SMIM29: variants seen among roughly 807,000 people sequenced by gnomAD.
SMIM29 encodes the protein small integral membrane protein 29.
SMIM29 carries 4 observed loss-of-function variants against 12.9 expected under a neutral mutation model. The ratio of observed to expected loss-of-function variants is 0.31; its 90% CI spans 0.15 to 0.71. The LOEUF (loss-of-function observed/expected upper bound fraction) is 0.71, where lower values mean the gene tolerates loss of function less well. SMIM29 is among the 30% of genes least tolerant of loss of function. The probability of loss-of-function intolerance (pLI) is 0.70; values close to 1 mark genes in which losing one functional copy is unlikely to be tolerated. For missense variants in SMIM29, 122 were observed against 138.1 expected (o/e 0.88, Z 0.58); for synonymous variants, 50 against 52.0 (o/e 0.96, Z 0.17).
At position 34,246,512 on chromosome 6, in the gene SMIM29, G is replaced by A. The variant is rs1276025552; in HGVS notation, c.*291C>T. 6.5e-7 allele frequency: 1 copy of A among 1,544,012 alleles called. No individual in the cohort carries two copies. The highest frequency in any genetic ancestry group is 1.3e-5 in the South Asian group (1 of 79,584). On this transcript the variant is annotated 3_prime_UTR_variant, in exon 5 of 5. Transcript: ENST00000476320. Reference sequence around the variant, plus strand: ...TTTGTGCCCAAGCCCAGCCCAGGAGGGCTAGAGAAAGCAAAGGTGTCTACC... The same window carrying A: ...TTTGTGCCCAAGCCCAGCCCAGGAGAGCTAGAGAAAGCAAAGGTGTCTACC...
chr6:34,247,767 C>T lies in SMIM29; in HGVS notation c.25G>A (p.Ala9Thr). The T allele has an allele frequency of 1.5e-6, 2 of 1,352,080 alleles. No homozygotes were observed. The highest frequency in any genetic ancestry group is 1.9e-6 in the Non-Finnish European group (2 of 1,057,924). The allele number at this position is 1,352,080 out of a possible 1,614,324, so 83.8% of individuals were successfully genotyped here. ...ATGGAGTCGCTGTTGGCCTGGGGGG[C>T]ATTGGGCACAGTGGTGTTACTCATG... MSNTTVPN[A>T]PQANSDSMVG... Residue 9 changes from alanine (A) to threonine (T), a missense_variant, in exon 2 of 5, where the codon GCC becomes ACC. Coordinates refer to ENST00000476320, the MANE Select transcript of SMIM29 (RefSeq NM_001008703.4).
Position 34,247,162 on chromosome 6 carries a change from G to A in SMIM29, c.138-13C>T, listed in dbSNP as rs1762826986. On this transcript the variant is annotated splice_polypyrimidine_tract_variant and intron_variant, in intron 3 of 4. Transcript: ENST00000476320. ...CAGCCGGTCCACCCTGGGGAGCAGG[G>A]GAGGGGACTCAGCTAGGAGGTCCCC... is the stretch of plus-strand genomic sequence containing the variant. 4.3e-6 allele frequency: 7 copies of A among 1,613,970 alleles called. No individual in the cohort carries two copies. The highest frequency in any genetic ancestry group is 5.9e-6 in the Non-Finnish European group (7 of 1,179,978).
chr6:34,246,906 GTT>G lies in SMIM29; in HGVS notation c.244-40_244-39del. The G allele has an allele frequency of 1.9e-6, 3 of 1,597,806 alleles. No individual in the cohort carries two copies. The South Asian group carries it at 3.3e-5, about 18-fold the overall frequency. On this transcript the variant is annotated intron_variant, in intron 4 of 4. Coordinates refer to ENST00000476320, the MANE Select transcript of SMIM29 (RefSeq NM_001008703.4). Reference sequence around the variant, plus strand: ...AGACCACACCACAAGGCTGGGCTGTGTTCCCTGGGAGTCTGCAGCACCCAGTT... The same window carrying G: ...AGACCACACCACAAGGCTGGGCTGTGCCCTGGGAGTCTGCAGCACCCAGTT...
chr6:34,248,809 C>A lies in SMIM29; in HGVS notation c.-74+170G>T. 3 of 985,754 alleles carry A rather than the reference C, an allele frequency of 3.0e-6. No homozygotes were observed. In the South Asian group the frequency reaches 1.4e-4, roughly 46 times the overall value. The allele number at this position is 985,754 out of a possible 1,614,324, so 61.1% of individuals were successfully genotyped here. A position where few individuals can be genotyped will look rare whatever the true frequency, so the allele number is the denominator to read the frequency against. On this transcript the variant is annotated intron_variant, in intron 1 of 4. Transcript: ENST00000476320. The stretch of plus-strand genomic sequence containing the variant: ...AGGCCGCTGCTAGGATGCGGGCCAG[C>A]AACAGCGGACAGGAGGTGGTTCCCA...
At chr6:34,248,804 G>A (rs759194834) in intron 1 of SMIM29, 175 bp downstream of exon 1, 2 of 985,796 alleles carry the variant, frequency 2.0e-6, no homozygotes, top group Non-Finnish European at 2.4e-6. Context: ...TAGGATGCGG[G>A]CCAGCAACAG....
intron 3 of SMIM29, 151 bp downstream of exon 3, chr6:34,247,316 C>G: frequency 6.5e-7 from 1 of 1,537,320 alleles, no homozygotes; most frequent in Non-Finnish European, 8.8e-7. Context: ...GGGGCTTTCC[C>G]CAGTGAGTAA....
At position 34,247,479 on chromosome 6, in the gene SMIM29, T is replaced by A; in HGVS notation, c.125A>T (p.Gln42Leu). ...GVVVAVVMYV[Q>L]KKKRVDRLRH... ...CAGGGACACTCACCGCTTTTTCTTC[T>A]GTACATACATTACCTGCAACAGAGA... The change falls in exon 3 of 5, where the codon CAG becomes CTG. Residue 42 changes from glutamine to leucine, a missense_variant. Transcript: ENST00000476320. The A allele has an allele frequency of 6.3e-7, 1 of 1,579,074 alleles. No homozygotes were observed. The highest frequency in any genetic ancestry group is 1.3e-5 in the African/African-American group (1 of 74,748).
intron 3 of SMIM29, 139 bp from the exon 4 acceptor site, chr6:34,247,288 C>T (rs1281579572): frequency 6.4e-6 from 10 of 1,552,084 alleles, no homozygotes; most frequent in Non-Finnish European, 8.7e-7. Context: ...TCCAAGAATA[C>T]AACCCTGATT....
chr6:34,247,647 T>C, intron 2 of SMIM29, 34 bp downstream of exon 2: 1 of 1,436,298 alleles, frequency 7.0e-7, no homozygotes. Context: ...TTAGCAAAGC[T>C]GTGGGTGTCT....
At chr6:34,246,993 A>G (rs1380523317) in intron 4 of SMIM29, 51 bp downstream of exon 4, 4 of 1,613,014 alleles carry the variant, frequency 2.5e-6, no homozygotes, top group Non-Finnish European at 3.4e-6. Context: ...GGCTGGGAAC[A>G]GGGCTGACTC....
chr6:34,246,976 C>CCA (rs1312722885), intron 4 of SMIM29, 68 bp downstream of exon 4: 4 of 1,610,904 alleles, frequency 2.5e-6, no homozygotes, highest in Non-Finnish European at 1.7e-6. Context: ...TCAGTGTGGA[C>CCA]GAGTATGGCT....
chr6:34,246,420 AAT>A lies in SMIM29; in HGVS notation c.*381_*382del. ...TAGCCACAAAACATTTTATTTACAA[AAT>A]ATATACTGAATACTATACATCTGGC... On this transcript the variant is annotated 3_prime_UTR_variant, in exon 5 of 5. Coordinates refer to ENST00000476320, the MANE Select transcript of SMIM29 (RefSeq NM_001008703.4). The A allele has an allele frequency of 7.5e-7, 1 of 1,335,842 alleles. No homozygotes were observed. Among genetic ancestry groups the A allele is most frequent in the East Asian group, 2.6e-5 (1 of 39,024 alleles). 82.7% of individuals were successfully genotyped at this position (1,335,842 alleles called of 1,614,324 possible).
intron 3 of SMIM29, 87 bp from the exon 4 acceptor site, chr6:34,247,236 CAG>C (rs1762833138): frequency 2.5e-6 from 4 of 1,603,880 alleles, no homozygotes; most frequent in South Asian, 1.1e-5. Flanking sequence ...CTTTCCCAGG[CAG>C]GGGCAATTCC....
At chr6:34,247,312 T>G in intron 3 of SMIM29, 155 bp downstream of exon 3, 1 of 1,540,302 alleles carries the variant, frequency 6.5e-7, no homozygotes, top group South Asian at 1.2e-5. Context: ...CAAAGGGGCT[T>G]TCCCCAGTGA....
In SMIM29 at chr6:34,246,831, C is replaced by G; in HGVS notation, c.281G>C (p.Arg94Pro). 2 of 1,611,848 alleles carry G rather than the reference C, an allele frequency of 1.2e-6. No individual in the cohort carries two copies. Among genetic ancestry groups the G allele is most frequent in the Non-Finnish European group, 1.7e-6 (2 of 1,179,306 alleles). ...CGTCTTGACATCCAGCAGTGGCATCCGCTTGTGCTGGTAGCCACTCTGCCA... is the reference window on the plus strand; with the variant it reads ...CGTCTTGACATCCAGCAGTGGCATCGGCTTGTGCTGGTAGCCACTCTGCCA... ...HGWQSGYQHK[R>P]MPLLDVKT is the part of the protein sequence containing the mutation. Residue 94 changes from arginine (R) to proline (P), a missense_variant, in exon 5 of 5, where the codon CGG becomes CCG. Coordinates refer to ENST00000476320, the MANE Select transcript of SMIM29 (RefSeq NM_001008703.4).
chr6:34,247,836 G>A lies in SMIM29; in HGVS notation c.-45C>T, dbSNP rs932483718. ...CTGGGTGGTCAGCATGGGCAGTGGC[G>A]CTTCGGGAGGGCGCCTCCACTGGGC... is the stretch of plus-strand genomic sequence containing the variant. On this transcript the variant is annotated 5_prime_UTR_variant, in exon 2 of 5. Coordinates refer to ENST00000476320, the MANE Select transcript of SMIM29 (RefSeq NM_001008703.4). 55 of 1,264,120 alleles carry A rather than the reference G, an allele frequency of 4.4e-5. No homozygotes were observed. Among genetic ancestry groups the A allele is most frequent in the African/African-American group, 4.3e-4 (28 of 64,738 alleles). The allele number at this position is 1,264,120 out of a possible 1,614,324, so 78.3% of individuals were successfully genotyped here.
At chr6:34,248,814 G>A (rs1762905547) in intron 1 of SMIM29, 165 bp downstream of exon 1, 1 of 985,808 alleles carries the variant, frequency 1.0e-6, no homozygotes. Flanking sequence ...GCCAGCAACA[G>A]CGGACAGGAG....
intron 1 of SMIM29, 68 bp from the exon 2 acceptor site, chr6:34,247,932 G>A: frequency 8.1e-7 from 1 of 1,236,610 alleles, no homozygotes; most frequent in Non-Finnish European, 1.0e-6. Flanking sequence ...CCCTCCCCCA[G>A]AGCTGAAGAT....
rs559339583 is a variant in SMIM29, at chr6:34,247,828, GC to G, written c.-38del. On this transcript the variant is annotated 5_prime_UTR_variant, in exon 2 of 5. Transcript: ENST00000476320. ...CCGGAGGGCTGGGTGGTCAGCATGG[GC>G]AGTGGCGCTTCGGGAGGGCGCCTCC... 1.3e-5 allele frequency: 16 copies of G among 1,271,730 alleles called. No individual in the cohort carries two copies. The Admixed American group carries it at 6.3e-4, about 50-fold the overall frequency. The allele number at this position is 1,271,730 out of a possible 1,614,324, so 78.8% of individuals were successfully genotyped here.
Sources: gnomAD v4.1 joint callset for allele counts on GRCh38, gnomAD v4.1.1 for gene constraint, MANE v1.5 for transcripts, NCBI Gene and HGNC (gene_info 2026-07-23, HGNC 2026-07-21) for gene names.